Variants in EFHD1 observed in about 807,000 individuals in gnomAD.
EFHD1 encodes the protein EF-hand domain-containing protein D1.
Under a neutral mutation model 17.2 loss-of-function variants are expected in EFHD1, and 10 were observed. That is an observed-to-expected ratio of 0.58 (90% CI 0.36 to 0.99). EFHD1 has a LOEUF of 0.99. Ranked by LOEUF, EFHD1 falls within the 50% of genes least tolerant of loss-of-function variation. EFHD1 has a pLI of 0.01. For synonymous variants in EFHD1, 153 were observed against 142.0 expected, an observed-to-expected ratio of 1.08 and a Z score of -0.55; for missense variants, 310 against 327.5, an observed-to-expected ratio of 0.95 and a Z score of 0.41.
chr2:232,633,319 G>A, upstream of EFHD1: 1 of 346,046 alleles, frequency 2.9e-6, no homozygotes, highest in Non-Finnish European at 4.3e-6. Context: ...GCTTTTTCCC[G>A]CTACGGTTTT....
chr2:232,667,008 C>T (rs901176379), intron 2 of EFHD1, among the ~76,000 whole-genome samples: 3 of 152,200 alleles, frequency 2.0e-5, no homozygotes, highest in Admixed American at 1.3e-4. Context: ...CTATTGTGAC[C>T]ATTGTGAAAA....
Position 232,633,805 on chromosome 2 carries a change from C to T in EFHD1, c.101C>T (p.Pro34Leu), listed in dbSNP as rs1002648279. ...CTGGCTCCCCTCGGCGCCCCAGCCC[C>T]GGAGCCCAAGCCCGAGCCCGAGCCT... ...PQLAPLGAPA[P>L]EPKPEPEPPA... The change falls in exon 1 of 4, where the codon CCG becomes CTG. Residue 34 changes from proline (P) to leucine (L), a missense_variant. Transcript: ENST00000264059. 2.7e-6 allele frequency: 4 copies of T among 1,460,364 alleles called. No homozygotes were observed. The highest frequency in any genetic ancestry group is 1.5e-5 in the African/African-American group (1 of 67,586). The allele number at this position is 1,460,364 out of a possible 1,614,324, so 90.5% of individuals were successfully genotyped here.
intron 1 of EFHD1, among the ~76,000 whole-genome samples, chr2:232,644,470 T>C (rs571846299): frequency 6.6e-6 from 1 of 152,054 alleles, no homozygotes; most frequent in African/African-American, 2.4e-5. Context: ...TGTGAGTGTG[T>C]GTTGGGGGGT....
At chr2:232,633,461 A>G (rs1158989227), upstream of EFHD1, 2 of 1,223,766 alleles carry the variant, frequency 1.6e-6, no homozygotes, top group Non-Finnish European at 2.0e-6. Flanking sequence ...ACGCGCAGAC[A>G]CCCAGACACC....
Position 232,627,064 on chromosome 2 carries a change from ATTTTTT to A in EFHD1, c.14+20901_14+20906del, listed in dbSNP as rs56085382. Among the ~76,000 whole-genome samples the A allele has an allele frequency of 8.0e-4, 74 of 92,224 alleles. 2 individuals are homozygous for A. Among genetic ancestry groups the A allele is most frequent in the East Asian group, 4.3e-3 (14 of 3,242 alleles). The allele number at this position is 92,224 out of a possible 152,430, so 60.5% of individuals were successfully genotyped here. A position where few individuals can be genotyped will look rare whatever the true frequency, so the allele number is the denominator to read the frequency against. ...TATATATATATATATATATATATAT[ATTTTTT>A]TTTTTTTTTAATTAGCCAGTTGTGG... is the stretch of plus-strand genomic sequence containing the variant. On this transcript the variant is annotated intron_variant, in intron 1 of 3. Coordinates refer to the EFHD1 transcript ENST00000409613.
chr2:232,641,615 A>G (rs948009458), intron 1 of EFHD1, among the ~76,000 whole-genome samples: 1 of 152,232 alleles, frequency 6.6e-6, no homozygotes, highest in Admixed American at 6.5e-5. Context: ...CCATTGTGAT[A>G]TGAAAGCAGC....
intron 1 of EFHD1, among the ~76,000 whole-genome samples, chr2:232,617,014 C>A (rs967541056): frequency 6.6e-6 from 1 of 152,192 alleles, no homozygotes; most frequent in Non-Finnish European, 1.5e-5. Context: ...GGGCTAGAGA[C>A]AGATAATCTA....
At chr2:232,674,592 CGTTAT>C (rs1695138111) in intron 3 of EFHD1, among the ~76,000 whole-genome samples, 1 of 152,024 alleles carries the variant, frequency 6.6e-6, no homozygotes, top group Non-Finnish European at 1.5e-5. Context: ...TCTTACAGCT[CGTTAT>C]GTTTATAGGT....
chr2:232,681,935 C>T lies in EFHD1; in HGVS notation c.*216C>T. 3.4e-6 allele frequency: 2 copies of T among 581,458 alleles called. No individual in the cohort carries two copies. Among genetic ancestry groups the T allele is most frequent in the East Asian group, 3.2e-5 (1 of 31,034 alleles). 36.0% of individuals were successfully genotyped at this position (581,458 alleles called of 1,614,324 possible). ...GCCAGATGCCTGCCCACCTCTGTCTCCTGCCTCTGCTCCTCTGCCCTTCTT... is the reference window on the plus strand; with the variant it reads ...GCCAGATGCCTGCCCACCTCTGTCTTCTGCCTCTGCTCCTCTGCCCTTCTT... On this transcript the variant is annotated 3_prime_UTR_variant, in exon 4 of 4. Transcript: ENST00000264059.
At chr2:232,677,833 G>T (rs1007720033) in intron 3 of EFHD1, among the ~76,000 whole-genome samples, 2 of 152,080 alleles carry the variant, frequency 1.3e-5, no homozygotes, top group East Asian at 1.9e-4. Context: ...GTTATAAAAA[G>T]AATGCAAACA....
At chr2:232,611,042 G>T (rs1456773931) in intron 1 of EFHD1, among the ~76,000 whole-genome samples, 2 of 152,150 alleles carry the variant, frequency 1.3e-5, no homozygotes, top group Non-Finnish European at 2.9e-5. Context: ...GCCAGGCGTG[G>T]TGGTGTGCAC....
upstream of EFHD1, among the ~76,000 whole-genome samples, chr2:232,630,282 C>T (rs7568461): frequency 0.055 from 8,425 of 152,222 alleles, 763 homozygotes; most frequent in African/African-American, 0.19. Context: ...GTCAGGTGCC[C>T]GACTGGACAT....
upstream of EFHD1, among the ~76,000 whole-genome samples, chr2:232,632,799 A>T (rs1694226952): frequency 6.6e-6 from 1 of 152,126 alleles, no homozygotes; most frequent in Non-Finnish European, 1.5e-5. Context: ...CTGATTTTTT[A>T]AAAGTTTTTG....
Position 232,662,891 on chromosome 2 carries a change from T to A in EFHD1, c.392T>A (p.Leu131Gln). 6.3e-7 allele frequency: 1 copy of A among 1,595,514 alleles called. No individual in the cohort carries two copies. Among genetic ancestry groups the A allele is most frequent in the Non-Finnish European group, 8.5e-7 (1 of 1,172,960 alleles). ...GGGGCCCCCCAGACCCACCTGGGCC[T>A]GAAGAGCATGATCAAGGAGGTGGAT... ...KLGAPQTHLG[L>Q]KSMIKEVDED... Residue 131 changes from leucine (L) to glutamine (Q), a missense_variant, in exon 2 of 4, where the codon CTG (leucine) becomes CAG (glutamine). Transcript: ENST00000264059.
In EFHD1 at chr2:232,634,580, AG is replaced by A. The variant is rs978094437; in HGVS notation, c.302+581del. Among the ~76,000 whole-genome samples the A allele has an allele frequency of 2.0e-5, 3 of 151,490 alleles. No individual in the cohort carries two copies. The East Asian group carries it at 5.9e-4, about 30-fold the overall frequency. ...CCGGGAGCCTCCTGGGGGCGCGGGGAGGGGGGGCGGTTGTGGGAACCGAACT... is the reference window on the plus strand; with the variant it reads ...CCGGGAGCCTCCTGGGGGCGCGGGGAGGGGGGCGGTTGTGGGAACCGAACT... On this transcript the variant is annotated intron_variant, in intron 1 of 3. Coordinates refer to ENST00000264059, the MANE Select transcript of EFHD1 (RefSeq NM_025202.4).
chr2:232,642,123 G>A (rs1041640750), intron 1 of EFHD1, among the ~76,000 whole-genome samples: 1 of 152,076 alleles, frequency 6.6e-6, no homozygotes, highest in Non-Finnish European at 1.5e-5. Flanking sequence ...GGTGGCTCAC[G>A]CCTGTAATCC....
chr2:232,649,274 A>G (rs1694592131), intron 1 of EFHD1, among the ~76,000 whole-genome samples: 1 of 152,190 alleles, frequency 6.6e-6, no homozygotes, highest in South Asian at 2.1e-4. Flanking sequence ...GGGCTTTCCC[A>G]GGCAGTGGGC....
chr2:232,625,638 G>T (rs1025924654), intron 1 of EFHD1, among the ~76,000 whole-genome samples: 3 of 152,080 alleles, frequency 2.0e-5, no homozygotes, highest in African/African-American at 7.2e-5. Flanking sequence ...AGAATACTCA[G>T]CTGCCAGTAA....
intron 1 of EFHD1, among the ~76,000 whole-genome samples, chr2:232,654,378 C>A (rs969656475): frequency 6.6e-6 from 1 of 151,194 alleles, no homozygotes; most frequent in African/African-American, 2.4e-5. Flanking sequence ...TCAGTTCGAA[C>A]CCCAGAGGTA....
Sources: allele counts gnomAD v4.1 joint callset (sites outside exome capture counted in the v4.1 genomes callset), GRCh38; gene constraint gnomAD v4.1.1; transcripts MANE v1.5; gene names NCBI Gene and HGNC (gene_info 2026-07-23, HGNC 2026-07-21).